Variants in FGF14 observed in about 807,000 individuals in gnomAD.
The protein encoded by FGF14 is fibroblast growth factor 14.
Under a neutral mutation model 25.5 loss-of-function variants are expected in FGF14, and 5 were observed. The observed-to-expected ratio is 0.20, with a 90% CI of 0.10 to 0.41. The LOEUF is 0.41. FGF14 is among the 10% of genes least tolerant of loss of function. The pLI is 1.00. For synonymous variants in FGF14, 138 were observed against 118.3 expected, an observed-to-expected ratio of 1.17 and a Z score of -1.08; for missense variants, 222 against 320.1, an observed-to-expected ratio of 0.69 and a Z score of 2.34.
intron 1 of FGF14, among the ~76,000 whole-genome samples, chr13:102,328,736 T>A (rs1363213287): frequency 6.6e-6 from 1 of 152,254 alleles, no homozygotes; most frequent in African/African-American, 2.4e-5. Context: ...TTAAGATACA[T>A]TATACATGTA....
intron 1 of FGF14, among the ~76,000 whole-genome samples, chr13:101,936,555 G>C (rs77201731): frequency 0.016 from 2,395 of 152,232 alleles, 28 homozygotes; most frequent in Non-Finnish European, 0.025. Context: ...CAGTTTGTGG[G>C]GATCACGGGA....
chr13:102,337,192 T>C (rs1470294757), intron 1 of FGF14, among the ~76,000 whole-genome samples: 2 of 152,226 alleles, frequency 1.3e-5, no homozygotes, highest in Non-Finnish European at 2.9e-5. Context: ...AAGGATCCAC[T>C]GTTCCAGATG....
chr13:101,725,520 C>A (rs1346093201), intron 4 of FGF14, among the ~76,000 whole-genome samples: 1 of 151,890 alleles, frequency 6.6e-6, no homozygotes, highest in Non-Finnish European at 1.5e-5. Flanking sequence ...CCAACAAGAG[C>A]GATTTTCTGA....
intron 1 of FGF14, among the ~76,000 whole-genome samples, chr13:102,285,039 A>T (rs2141233173): frequency 6.6e-6 from 1 of 152,282 alleles, no homozygotes; most frequent in South Asian, 2.1e-4. Context: ...AAAAGTACAG[A>T]AAAAAGAATG....
chr13:102,010,343 G>A (rs2040013823), intron 1 of FGF14, among the ~76,000 whole-genome samples: 1 of 152,126 alleles, frequency 6.6e-6, no homozygotes, highest in East Asian at 1.9e-4. Context: ...ACGGAGAGAG[G>A]AAGAAGCCTC....
intron 1 of FGF14, among the ~76,000 whole-genome samples, chr13:101,879,603 T>C (rs935551130): frequency 6.6e-6 from 1 of 152,182 alleles, no homozygotes; most frequent in Admixed American, 6.5e-5. Flanking sequence ...ATGATTTAAA[T>C]GGAAAAATGT....
chr13:101,799,110 G>A lies in FGF14; in HGVS notation c.408+69615C>T, dbSNP rs1160698145. ...CCAGCGAATTTTTTATGCAACATGA[G>A]TGTACACAATTGTTCAACATCTACT... On this transcript the variant is annotated intron_variant, in intron 3 of 4. Transcript: ENST00000376143. Among the ~76,000 whole-genome samples the A allele has an allele frequency of 3.9e-5, 6 of 152,068 alleles. No individual in the cohort carries two copies. The East Asian group carries it at 1.2e-3, about 29-fold the overall frequency.
At chr13:102,101,671 C>T (rs918845392) in intron 1 of FGF14, among the ~76,000 whole-genome samples, 2 of 151,988 alleles carry the variant, frequency 1.3e-5, no homozygotes, top group African/African-American at 4.8e-5. Context: ...CTTAGGAGTA[C>T]TAATGAATGC....
chr13:101,869,122 T>C (rs2044896156), intron 2 of FGF14, among the ~76,000 whole-genome samples: 1 of 152,206 alleles, frequency 6.6e-6, no homozygotes, highest in Non-Finnish European at 1.5e-5. Flanking sequence ...ACACTGTCTC[T>C]GACACCATTA....
chr13:102,106,579 AGAGGGAGGGAGG>A (rs57979180), intron 1 of FGF14, among the ~76,000 whole-genome samples: 11 of 127,716 alleles, frequency 8.6e-5, no homozygotes, highest in Non-Finnish European at 9.5e-5. Context: ...CTGTCGAAAA[AGAGGGAGGGAGG>A]GAGGGAGGGA....
intron 1 of FGF14, among the ~76,000 whole-genome samples, chr13:102,267,132 CT>C (rs534622131): frequency 1.3e-5 from 2 of 151,890 alleles, no homozygotes; most frequent in African/African-American, 2.4e-5. Context: ...GATAAACTTT[CT>C]TTTTTTTGTA....
chr13:101,905,755 G>T (rs1476440814), intron 1 of FGF14, among the ~76,000 whole-genome samples: 2 of 152,088 alleles, frequency 1.3e-5, no homozygotes, highest in Non-Finnish European at 2.9e-5. Context: ...TGACATTCTA[G>T]CCTGTTCTAT....
chr13:102,267,339 C>T (rs1218507818), intron 1 of FGF14, among the ~76,000 whole-genome samples: 1 of 152,030 alleles, frequency 6.6e-6, no homozygotes, highest in Non-Finnish European at 1.5e-5. Flanking sequence ...GGAGAAAAAG[C>T]AAATTGGGAG....
At chr13:102,021,737 C>G (rs2040663404) in intron 1 of FGF14, among the ~76,000 whole-genome samples, 1 of 151,986 alleles carries the variant, frequency 6.6e-6, no homozygotes, top group African/African-American at 2.4e-5. Context: ...TACTCACTGC[C>G]AGAAATACCA....
At chr13:102,087,559 C>T (rs1450410236) in intron 1 of FGF14, among the ~76,000 whole-genome samples, 1 of 146,686 alleles carries the variant, frequency 6.8e-6, no homozygotes, top group Non-Finnish European at 1.5e-5. Flanking sequence ...CTACAGGCAC[C>T]TGCCACCATG....
chr13:102,081,567 AT>A (rs924951837), intron 1 of FGF14, among the ~76,000 whole-genome samples: 8 of 151,962 alleles, frequency 5.3e-5, no homozygotes, highest in Admixed American at 4.6e-4. Flanking sequence ...TAATGAAAAG[AT>A]TTTCATCCCT....
At chr13:101,898,435 C>G (rs567921734) in intron 1 of FGF14, among the ~76,000 whole-genome samples, 1 of 150,690 alleles carries the variant, frequency 6.6e-6, no homozygotes. Flanking sequence ...TTTATTAAAA[C>G]TTAGAGTGGA....
chr13:102,093,573 G>A (rs515004), intron 1 of FGF14, among the ~76,000 whole-genome samples: 4,952 of 152,200 alleles, frequency 0.033, 265 homozygotes, highest in African/African-American at 0.11. Flanking sequence ...ACAATAAAAA[G>A]TGATCTCTCA....
chr13:102,144,827 C>T (rs1285455899), intron 1 of FGF14, among the ~76,000 whole-genome samples: 1 of 152,106 alleles, frequency 6.6e-6, no homozygotes, highest in Non-Finnish European at 1.5e-5. Flanking sequence ...AAATAATTTT[C>T]ATCTAAAAGA....
Sources: gnomAD v4.1 joint callset for allele counts (sites outside exome capture counted in the v4.1 genomes callset) on GRCh38, gnomAD v4.1.1 for gene constraint, MANE v1.5 for transcripts, NCBI Gene and HGNC (gene_info 2026-07-23, HGNC 2026-07-21) for gene names.